GNB1L: variants seen among roughly 807,000 people sequenced by gnomAD.
The protein encoded by GNB1L is G protein subunit beta 1 like.
GNB1L carries 20 observed loss-of-function variants against 29.1 expected under a neutral mutation model. The ratio of observed to expected loss-of-function variants is 0.69; its 90% CI spans 0.48 to 1.00. The LOEUF (loss-of-function observed/expected upper bound fraction) is 1.00. Among genes scored for constraint, GNB1L ranks in the 50% least tolerant of loss-of-function variants. The pLI is 0.00. For synonymous variants in GNB1L, 193 were observed against 206.5 expected, an observed-to-expected ratio of 0.93 and a Z score of 0.56; for missense variants, 421 against 464.9, an observed-to-expected ratio of 0.91 and a Z score of 0.87.
intron 5 of GNB1L, 78 bp from the exon 6 acceptor site, chr22:19,806,835 G>A (rs981602490): frequency 2.8e-5 from 29 of 1,041,340 alleles, no homozygotes; most frequent in Non-Finnish European, 3.5e-5. Flanking sequence ...CTCTTAAGGC[G>A]ATTAGCCCGG....
chr22:19,797,552 G>A (rs1179395911), intron 7 of GNB1L, among the ~76,000 whole-genome samples: 1 of 152,206 alleles, frequency 6.6e-6, no homozygotes, highest in African/African-American at 2.4e-5. Flanking sequence ...TTCCCCAGGA[G>A]GGGTGGGAGG....
chr22:19,818,951 C>A (rs956202598), intron 4 of GNB1L, among the ~76,000 whole-genome samples: 1 of 152,206 alleles, frequency 6.6e-6, no homozygotes, highest in Non-Finnish European at 1.5e-5. Context: ...CTCCCACTCC[C>A]CATGGGAAAC....
rs1937206714 is a variant in GNB1L at position 19,788,028 on chromosome 22, C to T, written c.*681G>A. 1 of 156,996 alleles carries T rather than the reference C, an allele frequency of 6.4e-6. No individual in the cohort carries two copies. The highest frequency in any genetic ancestry group is 2.4e-5 in the African/African-American group (1 of 41,512). The allele number at this position is 156,996 out of a possible 1,614,324, so 9.7% of individuals were successfully genotyped here. On this transcript the variant is annotated 3_prime_UTR_variant, in exon 8 of 8. Coordinates refer to ENST00000329517, the MANE Select transcript of GNB1L (RefSeq NM_053004.3). Reference sequence around the variant, plus strand: ...CACCCTGTGCGCCTTCCCCACTGCACCCTCTGCGGGCAGGCGTGCCCTCCC... The same window carrying T: ...CACCCTGTGCGCCTTCCCCACTGCATCCTCTGCGGGCAGGCGTGCCCTCCC...
chr22:19,821,865 A>ACTGCCGGTC (rs1937582084), intron 2 of GNB1L, among the ~76,000 whole-genome samples: 1 of 152,146 alleles, frequency 6.6e-6, no homozygotes, highest in Non-Finnish European at 1.5e-5. Context: ...GCATGCCGGG[A>ACTGCCGGTC]CTGCCGGTCC....
intron 6 of GNB1L, among the ~76,000 whole-genome samples, chr22:19,805,134 AC>A (rs869197914): frequency 6.8e-6 from 1 of 148,092 alleles, no homozygotes; most frequent in African/African-American, 2.5e-5. Flanking sequence ...CCCGGAAGCC[AC>A]CCTGCCTCCT....
intron 2 of GNB1L, chr22:19,852,211 T>G (rs1322812538): frequency 1.9e-6 from 3 of 1,613,412 alleles, no homozygotes; most frequent in Non-Finnish European, 8.5e-7. Flanking sequence ...AATTGGCGGC[T>G]GCCCAGATGG....
intron 2 of GNB1L, among the ~76,000 whole-genome samples, chr22:19,839,033 A>G (rs549262575): frequency 6.6e-6 from 1 of 152,324 alleles, no homozygotes; most frequent in South Asian, 2.1e-4. Context: ...TGAATCTCCA[A>G]AGAACTGAGT....
intron 2 of GNB1L, 106 bp downstream of exon 2, chr22:19,854,337 G>A (rs907323729): frequency 6.5e-6 from 1 of 152,728 alleles, no homozygotes; most frequent in Non-Finnish European, 1.5e-5. Context: ...CCTGCCCAAA[G>A]CCTTAAAGCA....
intron 5 of GNB1L, 89 bp from the exon 6 acceptor site, chr22:19,806,846 G>T: frequency 1.1e-6 from 1 of 914,804 alleles, no homozygotes; most frequent in Non-Finnish European, 1.8e-6. Flanking sequence ...ATTAGCCCGG[G>T]CTGCTGTGAG....
chr22:19,844,911 C>T (rs543701939), intron 2 of GNB1L, among the ~76,000 whole-genome samples: 349 of 152,334 alleles, frequency 2.3e-3, no homozygotes, highest in African/African-American at 8.1e-3. Flanking sequence ...TCATGTAGGC[C>T]AGCTGCCGAT....
intron 2 of GNB1L, among the ~76,000 whole-genome samples, chr22:19,828,424 G>A (rs979148914): frequency 6.6e-6 from 1 of 152,156 alleles, no homozygotes; most frequent in East Asian, 1.9e-4. Context: ...GGAGGCTGAG[G>A]TGGAAGGATT....
At chr22:19,810,504 G>A (rs1311380727) in intron 5 of GNB1L, among the ~76,000 whole-genome samples, 2 of 152,140 alleles carry the variant, frequency 1.3e-5, no homozygotes, top group Non-Finnish European at 2.9e-5. Flanking sequence ...GGGGAGTGGT[G>A]AGCCCTGGGC....
rs545760755 is a variant in GNB1L, at chr22:19,783,650, C to T, written c.*5059G>A. Reference sequence around the variant, plus strand: ...TCCTCAGCTTAGCACACCCTGTGGCCGTTGTCCCCATCGTCCGTGGCTTCA... The same window carrying T: ...TCCTCAGCTTAGCACACCCTGTGGCTGTTGTCCCCATCGTCCGTGGCTTCA... On this transcript the variant is annotated 3_prime_UTR_variant, in exon 8 of 8. Transcript: ENST00000329517. 3.7e-5 allele frequency: 6 copies of T among 161,196 alleles called. No individual in the cohort carries two copies. In the South Asian group the frequency reaches 5.3e-4, roughly 14 times the overall value. 10.0% of individuals were successfully genotyped at this position (161,196 alleles called of 1,614,324 possible).
At chr22:19,851,540 G>A (rs2145906498) in intron 2 of GNB1L, 1 of 1,613,710 alleles carries the variant, frequency 6.2e-7, no homozygotes, top group East Asian at 2.2e-5. Context: ...AGACACAGCA[G>A]GGGTGGCCAT....
chr22:19,843,433 C>T (rs922362925), intron 2 of GNB1L, among the ~76,000 whole-genome samples: 19 of 152,170 alleles, frequency 1.2e-4, no homozygotes, highest in African/African-American at 4.6e-4. Flanking sequence ...CCCAGCAGCC[C>T]GATGGCGAGG....
intron 6 of GNB1L, among the ~76,000 whole-genome samples, chr22:19,803,877 A>T (rs1937403014): frequency 6.6e-6 from 1 of 152,138 alleles, no homozygotes; most frequent in Admixed American, 6.5e-5. Flanking sequence ...CCTCCCCGGC[A>T]CTTTCCTCCA....
At position 19,784,610 on chromosome 22, in the gene GNB1L, T is replaced by G. The variant is rs1396980210; in HGVS notation, c.*4099A>C. On this transcript the variant is annotated 3_prime_UTR_variant, in exon 8 of 8. Transcript: ENST00000329517. ...GGATGGGGTGCTGGCCGAACCTACC[T>G]TGTAAAGTGGGGCTGCACAGAGGTC... is the stretch of plus-strand genomic sequence containing the variant. 6.6e-6 allele frequency: 1 copy of G among 152,248 alleles called. No homozygotes were observed. Among genetic ancestry groups the G allele is most frequent in the Non-Finnish European group, 1.5e-5 (1 of 68,084 alleles). The allele number at this position is 152,248 out of a possible 1,614,324, so 9.4% of individuals were successfully genotyped here. A position where few individuals can be genotyped will look rare whatever the true frequency, so the allele number is the denominator to read the frequency against.
chr22:19,854,018 C>A (rs567309132), intron 2 of GNB1L, among the ~76,000 whole-genome samples: 1 of 152,322 alleles, frequency 6.6e-6, no homozygotes, highest in Non-Finnish European at 1.5e-5. Flanking sequence ...CCCCTGCAGT[C>A]TGGGAGAAGG....
chr22:19,842,409 C>T (rs1937877469), intron 2 of GNB1L, among the ~76,000 whole-genome samples: 1 of 152,248 alleles, frequency 6.6e-6, no homozygotes, highest in Non-Finnish European at 1.5e-5. Context: ...CAGAGACTAG[C>T]CCCCAACAAC....
Sources: gnomAD v4.1 joint callset for allele counts (sites outside exome capture counted in the v4.1 genomes callset) on GRCh38, gnomAD v4.1.1 for gene constraint, MANE v1.5 for transcripts, NCBI Gene and HGNC (gene_info 2026-07-23, HGNC 2026-07-21) for gene names.